The following ELP4 variants were observed in gnomAD, a reference collection of about 807,000 sequenced individuals.
ELP4 encodes the protein elongator complex protein 4.
A neutral mutation model predicts 48.9 loss-of-function variants in ELP4; 51 were observed. The ratio of observed to expected loss-of-function variants is 1.04; its 90% CI spans 0.83 to 1.32. The LOEUF (loss-of-function observed/expected upper bound fraction) is 1.32. ELP4 is among the 40% of genes most tolerant of loss of function. The probability of loss-of-function intolerance (pLI) is 0.00; values close to 1 mark genes in which losing one functional copy is unlikely to be tolerated. For missense variants in ELP4, 519 were observed against 514.6 expected (o/e 1.01, Z -0.08); for synonymous variants, 210 against 189.2 (o/e 1.11, Z -0.90).
chr11:31,719,432 T>A (rs1420862561), intron 9 of ELP4: 1 of 397,890 alleles, frequency 2.5e-6, no homozygotes, highest in Non-Finnish European at 4.4e-6. Flanking sequence ...TTTATAATTA[T>A]GTTTTTATAA....
At chr11:31,648,915 G>A (rs1945263218) in intron 8 of ELP4, 1 of 151,488 alleles carries the variant, frequency 6.6e-6, no homozygotes, top group East Asian at 2.0e-4. Context: ...TATTCTATAA[G>A]GCCTCTTGAT....
chr11:31,623,849 C>G (rs1944680847), intron 5 of ELP4, among the ~76,000 whole-genome samples: 2 of 141,360 alleles, frequency 1.4e-5, no homozygotes, highest in African/African-American at 4.9e-5. Flanking sequence ...TTAAGGAACT[C>G]AAACAACACA....
intron 7 of ELP4, among the ~76,000 whole-genome samples, chr11:31,643,073 A>G (rs1257739365): frequency 4.6e-5 from 7 of 151,780 alleles, no homozygotes; most frequent in Non-Finnish European, 1.0e-4. Flanking sequence ...TATAAATTGA[A>G]CTGTTGATTA....
At chr11:31,730,883 C>CA (rs1302933981) in intron 9 of ELP4, among the ~76,000 whole-genome samples, 1 of 150,738 alleles carries the variant, frequency 6.6e-6, no homozygotes, top group African/African-American at 2.4e-5. Flanking sequence ...TCACTGAGAA[C>CA]AAAAAAGAGC....
intron 9 of ELP4, among the ~76,000 whole-genome samples, chr11:31,679,158 G>T (rs776096735): frequency 6.6e-6 from 1 of 151,934 alleles, no homozygotes; most frequent in Admixed American, 6.6e-5. Context: ...TGTATATTTT[G>T]TATACCATTT....
At chr11:31,619,393 T>C (rs1944567090) in intron 5 of ELP4, among the ~76,000 whole-genome samples, 1 of 152,002 alleles carries the variant, frequency 6.6e-6, no homozygotes. Context: ...ATAACAAAAA[T>C]ACCATAAACA....
At chr11:31,650,243 A>G (rs1452512160) in intron 9 of ELP4, 22 bp downstream of exon 9, 4 of 786,862 alleles carry the variant, frequency 5.1e-6, no homozygotes, top group African/African-American at 3.5e-5. Flanking sequence ...TTTATGTTTT[A>G]GTTTACAATC....
chr11:31,724,048 A>G (rs1165483735), intron 9 of ELP4, among the ~76,000 whole-genome samples: 4 of 152,220 alleles, frequency 2.6e-5, no homozygotes, highest in Non-Finnish European at 5.9e-5. Context: ...AACTTTCTAT[A>G]GATGGCTGCT....
chr11:31,769,222 C>T (rs1447834539), intron 9 of ELP4, among the ~76,000 whole-genome samples: 1 of 151,942 alleles, frequency 6.6e-6, no homozygotes, highest in Non-Finnish European at 1.5e-5. Context: ...CCATTTCCAC[C>T]GAGCACTTCA....
At chr11:31,646,130 T>G (rs1254257331) in intron 7 of ELP4, 4 of 151,712 alleles carry the variant, frequency 2.6e-5, no homozygotes, top group African/African-American at 4.8e-5. Flanking sequence ...GGCACAGAAC[T>G]GAAAGTAAGG....
At chr11:31,558,050 A>G (rs1296266689) in intron 3 of ELP4, among the ~76,000 whole-genome samples, 1 of 151,988 alleles carries the variant, frequency 6.6e-6, no homozygotes, top group East Asian at 1.9e-4. Flanking sequence ...TTTGTTCAGA[A>G]AGTTATCAGG....
At chr11:31,704,249 G>A (rs1263457281) in intron 9 of ELP4, among the ~76,000 whole-genome samples, 1 of 151,906 alleles carries the variant, frequency 6.6e-6, no homozygotes, top group Non-Finnish European at 1.5e-5. Context: ...AATCTCACAT[G>A]GTTAATTCAA....
intron 9 of ELP4, among the ~76,000 whole-genome samples, chr11:31,735,112 G>C (rs1159594797): frequency 6.6e-6 from 1 of 151,072 alleles, no homozygotes; most frequent in Non-Finnish European, 1.5e-5. Context: ...ATGAGGAAAC[G>C]GTAGTGTTTT....
chr11:31,533,250 T>C (rs1303678598), intron 2 of ELP4, among the ~76,000 whole-genome samples: 6 of 152,272 alleles, frequency 3.9e-5, no homozygotes, highest in African/African-American at 1.2e-4. Flanking sequence ...TGTATGTCCA[T>C]GTAGCTGTTG....
chr11:31,751,223 AC>A (rs1427235597), intron 9 of ELP4, among the ~76,000 whole-genome samples: 1 of 152,254 alleles, frequency 6.6e-6, no homozygotes, highest in Non-Finnish European at 1.5e-5. Flanking sequence ...TGTAAAGCTG[AC>A]TATGGCCGTA....
chr11:31,521,110 G>C (rs77638983), intron 2 of ELP4, among the ~76,000 whole-genome samples: 236 of 152,172 alleles, frequency 1.6e-3, no homozygotes, highest in Middle Eastern at 3.4e-3. Context: ...AAAATACAAA[G>C]TGGTGATGCT....
intron 9 of ELP4, among the ~76,000 whole-genome samples, chr11:31,782,407 T>C (rs1485443528): frequency 4.6e-5 from 7 of 151,648 alleles, no homozygotes; most frequent in Non-Finnish European, 8.8e-5. Flanking sequence ...CTGTGTGTAG[T>C]CATCAGTGGG....
intron 5 of ELP4, among the ~76,000 whole-genome samples, chr11:31,626,321 C>T (rs1944743121): frequency 1.3e-5 from 2 of 151,754 alleles, no homozygotes; most frequent in Non-Finnish European, 2.9e-5. Context: ...GCATTAGGCA[C>T]TTCAATGTCT....
At chr11:31,778,128 C>T (rs1268004151) in intron 9 of ELP4, among the ~76,000 whole-genome samples, 1 of 152,154 alleles carries the variant, frequency 6.6e-6, no homozygotes, top group Non-Finnish European at 1.5e-5. Context: ...ATTTTGCCAG[C>T]AGTGAAGACA....
Sources: gnomAD v4.1 joint callset for allele counts (sites outside exome capture counted in the v4.1 genomes callset) on GRCh38, gnomAD v4.1.1 for gene constraint, MANE v1.5 for transcripts, NCBI Gene and HGNC (gene_info 2026-07-23, HGNC 2026-07-21) for gene names.